The following TXNRD2 variants were observed in gnomAD, a reference collection of about 807,000 sequenced individuals.
The protein encoded by TXNRD2 is thioredoxin reductase 2, mitochondrial.
TXNRD2 carries 67 observed loss-of-function variants against 70.8 expected under a neutral mutation model. That is an observed-to-expected ratio of 0.95 (90% confidence interval 0.78 to 1.16). The LOEUF (loss-of-function observed/expected upper bound fraction) is 1.16. Ranked by LOEUF, TXNRD2 falls within the 50% of genes most tolerant of loss-of-function variation. The pLI is 0.00. For missense variants in TXNRD2, 644 were observed against 719.9 expected (o/e 0.89, Z 1.21); for synonymous variants, 301 against 295.8 (o/e 1.02, Z -0.18).
chr22:19,880,557 C>T (rs1206615353), intron 13 of TXNRD2, 65 bp downstream of exon 13: 1 of 1,483,202 alleles, frequency 6.7e-7, no homozygotes, highest in Non-Finnish European at 9.4e-7. Context: ...CCCCTCACCC[C>T]AGAAGAGCTA....
chr22:19,886,476 C>A (rs975940699), intron 11 of TXNRD2, among the ~76,000 whole-genome samples: 1 of 152,258 alleles, frequency 6.6e-6, no homozygotes, highest in Admixed American at 6.5e-5. Context: ...AAGGTGGGGA[C>A]CCACTGGGGC....
At chr22:19,892,956 T>C (rs1404497831) in intron 11 of TXNRD2, among the ~76,000 whole-genome samples, 1 of 152,272 alleles carries the variant, frequency 6.6e-6, no homozygotes, top group East Asian at 1.9e-4. Context: ...TTGCTCTTGC[T>C]GACTGATCAC....
intron 8 of TXNRD2, among the ~76,000 whole-genome samples, chr22:19,901,911 C>G (rs1041063905): frequency 1.3e-5 from 2 of 152,134 alleles, no homozygotes; most frequent in Non-Finnish European, 1.5e-5. Context: ...CATTAAAAGA[C>G]CCAGAGGTTG....
chr22:19,903,137 G>C, intron 8 of TXNRD2: 1 of 462,210 alleles, frequency 2.2e-6, no homozygotes, highest in Non-Finnish European at 4.3e-6. Context: ...AGGGCCCAGT[G>C]TGTGGGCTGG....
intron 11 of TXNRD2, among the ~76,000 whole-genome samples, chr22:19,887,062 CT>C (rs1390023611): frequency 6.6e-6 from 1 of 152,244 alleles, no homozygotes; most frequent in Non-Finnish European, 1.5e-5. Flanking sequence ...TCTTTGATGA[CT>C]AGTAAGATGA....
At chr22:19,929,533 T>C (rs930155869) in intron 2 of TXNRD2, among the ~76,000 whole-genome samples, 2 of 152,060 alleles carry the variant, frequency 1.3e-5, no homozygotes, top group African/African-American at 4.8e-5. Flanking sequence ...GGCATCCACC[T>C]GATCCATTAG....
intron 2 of TXNRD2, among the ~76,000 whole-genome samples, chr22:19,926,838 C>T (rs187856990): frequency 1.4e-4 from 21 of 152,180 alleles, no homozygotes; most frequent in African/African-American, 5.1e-4. Context: ...GACACATCCA[C>T]GGATATAGGA....
chr22:19,937,613 G>A (rs1401571860), intron 1 of TXNRD2, among the ~76,000 whole-genome samples: 2 of 152,146 alleles, frequency 1.3e-5, no homozygotes, highest in African/African-American at 2.4e-5. Context: ...TGTGGGCACC[G>A]GCCATGAAGC....
At chr22:19,941,615 C>T in intron 1 of TXNRD2, 86 bp downstream of exon 1, 1 of 1,359,234 alleles carries the variant, frequency 7.4e-7, no homozygotes, top group Non-Finnish European at 9.4e-7. Flanking sequence ...CACGGGGACA[C>T]CCTGGCCACC....
intron 5 of TXNRD2, chr22:19,916,109 G>C (rs1601449208): frequency 2.2e-6 from 1 of 448,316 alleles, no homozygotes; most frequent in East Asian, 4.6e-5. Flanking sequence ...ACGGTCCTAA[G>C]AGGCCACGTA....
At chr22:19,908,240 T>C (rs1288808675) in intron 8 of TXNRD2, among the ~76,000 whole-genome samples, 1 of 151,918 alleles carries the variant, frequency 6.6e-6, no homozygotes, top group Non-Finnish European at 1.5e-5. Flanking sequence ...GCCAGGGGTA[T>C]GGGAGGAGAG....
intron 17 of TXNRD2, 73 bp downstream of exon 17, chr22:19,876,967 G>A: frequency 2.7e-6 from 3 of 1,113,362 alleles, no homozygotes; most frequent in East Asian, 2.7e-5. Context: ...CACCTGGAGG[G>A]AGCCCATGGC....
chr22:19,876,727 C>T (rs1329412187), intron 17 of TXNRD2: 4 of 169,182 alleles, frequency 2.4e-5, no homozygotes, highest in Non-Finnish European at 3.8e-5. Context: ...GACTTTAGCC[C>T]ACCCGGGACA....
chr22:19,936,811 A>C (rs1941553469), intron 1 of TXNRD2, among the ~76,000 whole-genome samples: 1 of 151,596 alleles, frequency 6.6e-6, no homozygotes, highest in Admixed American at 6.6e-5. Flanking sequence ...TTTTCCTGTC[A>C]CTTCTATGCC....
intron 8 of TXNRD2, among the ~76,000 whole-genome samples, chr22:19,905,605 C>T (rs1302591925): frequency 1.3e-5 from 2 of 152,142 alleles, no homozygotes; most frequent in Non-Finnish European, 2.9e-5. Flanking sequence ...TCACCGAAGA[C>T]CCCAGTACAT....
At chr22:19,933,166 C>T (rs1289817145) in intron 1 of TXNRD2, among the ~76,000 whole-genome samples, 2 of 152,232 alleles carry the variant, frequency 1.3e-5, no homozygotes, top group Non-Finnish European at 2.9e-5. Context: ...GAGATGTGTG[C>T]GCACCTGCGG....
intron 1 of TXNRD2, chr22:19,932,676 A>G: frequency 1.1e-6 from 1 of 952,052 alleles, no homozygotes; most frequent in Non-Finnish European, 1.4e-6. Flanking sequence ...GGTATAAAAC[A>G]AGTAGTGCCC....
At chr22:19,883,529 A>G (rs548366895) in intron 11 of TXNRD2, 68 bp from the exon 12 acceptor site, 2 of 1,608,154 alleles carry the variant, frequency 1.2e-6, no homozygotes, top group African/African-American at 2.7e-5. Context: ...GTTGTGTTTA[A>G]ACTGTTTCTC....
intron 2 of TXNRD2, among the ~76,000 whole-genome samples, chr22:19,929,646 A>C (rs1351770893): frequency 6.6e-6 from 1 of 152,134 alleles, no homozygotes; most frequent in Non-Finnish European, 1.5e-5. Context: ...CCCTGCCCGC[A>C]CCTGGATGAT....
Sources: gnomAD v4.1 joint callset for allele counts (sites outside exome capture counted in the v4.1 genomes callset) on GRCh38, gnomAD v4.1.1 for gene constraint, MANE v1.5 for transcripts, NCBI Gene and HGNC (gene_info 2026-07-23, HGNC 2026-07-21) for gene names.